ANO1: variants seen among roughly 807,000 people sequenced by gnomAD.
ANO1 encodes anoctamin 1.
Under a neutral mutation model 124.0 loss-of-function variants are expected in ANO1, and 59 were observed. The observed-to-expected ratio is 0.48, with a 90% CI of 0.39 to 0.59. The LOEUF (loss-of-function observed/expected upper bound fraction) is 0.59, where lower values mean the gene tolerates loss of function less well. Among genes scored for constraint, ANO1 ranks in the 20% least tolerant of loss-of-function variants. The pLI is 0.00. For missense variants in ANO1, 1,059 were observed against 1,328.0 expected, an observed-to-expected ratio of 0.80 and a Z score of 3.15; for synonymous variants, 529 against 532.0, an observed-to-expected ratio of 0.99 and a Z score of 0.08.
chr11:70,038,309 G>GA, intron 1 of ANO1, among the ~76,000 whole-genome samples: 1 of 152,242 alleles, frequency 6.6e-6, no homozygotes, highest in Non-Finnish European at 1.5e-5. Context: ...TGCCTATTTA[G>GA]AAAAGTTTCA....
At chr11:70,025,157 T>C (rs1343870033) in intron 1 of ANO1, among the ~76,000 whole-genome samples, 1 of 152,208 alleles carries the variant, frequency 6.6e-6, no homozygotes, top group Non-Finnish European at 1.5e-5. Flanking sequence ...GCCCAGCTCT[T>C]CTCCTTGCCA....
At chr11:70,108,823 G>A (rs2515249) in intron 6 of ANO1, among the ~76,000 whole-genome samples, 26,881 of 152,152 alleles carry the variant, frequency 0.18, 2,983 homozygotes, top group Admixed American at 0.27. Context: ...AGCTGGGCTT[G>A]CTGAAAGCAG....
At chr11:70,120,489 G>T (rs955702310) in intron 8 of ANO1, among the ~76,000 whole-genome samples, 1 of 152,138 alleles carries the variant, frequency 6.6e-6, no homozygotes, top group African/African-American at 2.4e-5. Flanking sequence ...GGTTGTGGGG[G>T]ATTGATTCCA....
chr11:70,073,296 G>T (rs1555009576), intron 1 of ANO1, among the ~76,000 whole-genome samples: 1 of 152,100 alleles, frequency 6.6e-6, no homozygotes, highest in African/African-American at 2.4e-5. Flanking sequence ...CAGAGTCACT[G>T]GGGAGGAAGC....
chr11:70,137,605 C>G (rs1249418979), intron 11 of ANO1, among the ~76,000 whole-genome samples: 1 of 145,962 alleles, frequency 6.9e-6, no homozygotes, highest in Non-Finnish European at 1.5e-5. Flanking sequence ...CCGGCCTGCC[C>G]TGGCAGCCCA....
chr11:70,103,102 G>T lies in ANO1; in HGVS notation c.478G>T (p.Ala160Ser). The change falls in exon 3 of 26, where the codon GCC becomes TCC. Residue 160 changes from alanine to serine, a missense_variant. Coordinates refer to ENST00000355303, the MANE Select transcript of ANO1 (RefSeq NM_018043.7). The stretch of plus-strand genomic sequence containing the variant: ...CGGAGTCGGGTTTGTGAAAATCCAT[G>T]CCCCCTGGAACGTGCTGTGCAGAGA... ...IHGVGFVKIH[A>S]PWNVLCREAE... 6.2e-7 allele frequency: 1 copy of T among 1,612,916 alleles called. No homozygotes were observed. The highest frequency in any genetic ancestry group is 8.5e-7 in the Non-Finnish European group (1 of 1,179,526).
the ANO1 span, among the ~76,000 whole-genome samples, chr11:69,977,798 GCTGTGGC>G: frequency 6.6e-6 from 1 of 152,256 alleles, no homozygotes; most frequent in Non-Finnish European, 1.5e-5. Context: ...AGGGGCAGAG[GCTGTGGC>G]TGCTCTGAGC....
intron 5 of ANO1, among the ~76,000 whole-genome samples, chr11:70,107,458 G>C (rs868191613): frequency 1.2e-4 from 17 of 144,904 alleles, no homozygotes; most frequent in Admixed American, 9.6e-4. Context: ...GCCAGGGGGC[G>C]GGGTTGTTGG....
At chr11:70,018,303 G>A (rs1392646732) in intron 1 of ANO1, 2 of 152,438 alleles carry the variant, frequency 1.3e-5, no homozygotes, top group Middle Eastern at 3.1e-3. Context: ...GCTGCAGTGA[G>A]CTGTGATCAC....
At chr11:70,152,357 A>AAAAATT in intron 12 of ANO1, 93 bp from the exon 13 acceptor site, 1 of 922,370 alleles carries the variant, frequency 1.1e-6, no homozygotes, top group Non-Finnish European at 1.6e-6. Flanking sequence ...AAAAAAAAAA[A>AAAAATT]GTTGTCCTTA....
At chr11:70,185,253 CT>C (rs957659695) in intron 24 of ANO1, among the ~76,000 whole-genome samples, 2 of 152,228 alleles carry the variant, frequency 1.3e-5, no homozygotes, top group African/African-American at 4.8e-5. Flanking sequence ...GGCTCCACTG[CT>C]TTTAAAAGTT....
In ANO1 at chr11:70,167,368, C is replaced by G. The variant is rs897986305; in HGVS notation, c.2178C>G (p.Thr726=). Residue 726 remains threonine (T), a synonymous_variant, in exon 21 of 26, where the codon ACC becomes ACG. Transcript: ENST00000355303. The stretch of plus-strand genomic sequence containing the variant: ...ACCTGGAGCCCTTCGCGGGCCTCAC[C>G]CCAGAGTACATGGAAATGAGTGAGT... ...DYNLEPFAGL[T]PEYMEMIIQF... The G allele has an allele frequency of 3.1e-6, 5 of 1,612,330 alleles. No individual in the cohort carries two copies. The highest frequency in any genetic ancestry group is 4.2e-6 in the Non-Finnish European group (5 of 1,179,148).
At chr11:70,140,556 A>C (rs1249332252) in intron 11 of ANO1, among the ~76,000 whole-genome samples, 1 of 151,334 alleles carries the variant, frequency 6.6e-6, no homozygotes, top group Non-Finnish European at 1.5e-5. Context: ...GAAGAAGAAG[A>C]AGAAAGAAAG....
Position 70,161,247 on chromosome 11 carries a change from C to T in ANO1, c.1665C>T (p.Ser555=), listed in dbSNP as rs1331782374. Residue 555 remains serine (S), a synonymous_variant, in exon 17 of 26, where the codon TCC becomes TCT. Coordinates refer to ENST00000355303, the MANE Select transcript of ANO1 (RefSeq NM_018043.7). ...CCTTGGCCATGAACTCCTCCCCCTCCGTGCGGTCCAACATCCGGGTCACAG... is the reference window on the plus strand; with the variant it reads ...CCTTGGCCATGAACTCCTCCCCCTCTGTGCGGTCCAACATCCGGGTCACAG... The part of the protein sequence containing the change: ...AAALAMNSSP[S]VRSNIRVTVT... 4 of 1,613,828 alleles carry T rather than the reference C, an allele frequency of 2.5e-6. No individual in the cohort carries two copies. Among genetic ancestry groups the T allele is most frequent in the Admixed American group, 1.7e-5 (1 of 60,014 alleles).
upstream of ANO1, among the ~76,000 whole-genome samples, chr11:69,982,631 T>G (rs1554996357): frequency 6.6e-6 from 1 of 152,230 alleles, no homozygotes; most frequent in Non-Finnish European, 1.5e-5. Context: ...ATTTTACAGA[T>G]GCACAAACCC....
At chr11:70,142,844 G>A (rs2047208209) in intron 11 of ANO1, among the ~76,000 whole-genome samples, 1 of 152,172 alleles carries the variant, frequency 6.6e-6, no homozygotes, top group South Asian at 2.1e-4. Context: ...GGGAGAGACA[G>A]GAAGCCCGTT....
chr11:70,056,843 T>TC (rs1349193489), intron 1 of ANO1, among the ~76,000 whole-genome samples: 3 of 151,836 alleles, frequency 2.0e-5, no homozygotes, highest in African/African-American at 4.8e-5. Flanking sequence ...TTTTTTTTTT[T>TC]TTTTCCTGTG....
intron 14 of ANO1, among the ~76,000 whole-genome samples, chr11:70,155,296 G>A (rs1411095753): frequency 4.6e-5 from 7 of 152,230 alleles, no homozygotes; most frequent in East Asian, 3.8e-4. Flanking sequence ...TCTGTGGCCC[G>A]TGGCTTGGTT....
chr11:69,974,185 G>A, the ANO1 span, among the ~76,000 whole-genome samples: 38 of 152,022 alleles, frequency 2.5e-4, no homozygotes, highest in African/African-American at 8.7e-4. Flanking sequence ...CAGGTGTGGT[G>A]GTGGGCACCT....
Sources: gnomAD v4.1 joint callset for allele counts (sites outside exome capture counted in the v4.1 genomes callset) on GRCh38, gnomAD v4.1.1 for gene constraint, MANE v1.5 for transcripts, NCBI Gene and HGNC (gene_info 2026-07-23, HGNC 2026-07-21) for gene names.